The following SETBP1 variants were observed in gnomAD, a reference collection of about 807,000 sequenced individuals.
The protein encoded by SETBP1 is SET binding protein 1.
Under a neutral mutation model 101.0 loss-of-function variants are expected in SETBP1, and 9 were observed. The observed-to-expected ratio is 0.09, with a 90% confidence interval of 0.05 to 0.16. The LOEUF (loss-of-function observed/expected upper bound fraction) is 0.16, where lower values mean the gene tolerates loss of function less well. SETBP1 is among the 10% of genes least tolerant of loss of function. SETBP1 has a pLI of 1.00. For synonymous variants in SETBP1, 818 were observed against 788.5 expected (o/e 1.04, Z -0.63); for missense variants, 1,858 against 2,033.8 (o/e 0.91, Z 1.66).
At chr18:45,018,153 GA>G (rs924566686) in intron 4 of SETBP1, among the ~76,000 whole-genome samples, 49 of 152,148 alleles carry the variant, frequency 3.2e-4, no homozygotes, top group African/African-American at 1.2e-3. Flanking sequence ...CAGAATTAAA[GA>G]CACTCACAGT....
intron 4 of SETBP1, among the ~76,000 whole-genome samples, chr18:44,981,354 A>G (rs1436832893): frequency 6.6e-6 from 1 of 152,182 alleles, no homozygotes; most frequent in Non-Finnish European, 1.5e-5. Flanking sequence ...CTCCCAGAAC[A>G]TGTACCTCCC....
At chr18:44,983,028 C>A (rs1404317846) in intron 4 of SETBP1, among the ~76,000 whole-genome samples, 1 of 152,166 alleles carries the variant, frequency 6.6e-6, no homozygotes, top group African/African-American at 2.4e-5. Context: ...TCACCGAAAA[C>A]CCCTGTCTAA....
chr18:44,802,029 A>G (rs1055520097), intron 2 of SETBP1, among the ~76,000 whole-genome samples: 1 of 152,040 alleles, frequency 6.6e-6, no homozygotes, highest in Admixed American at 6.6e-5. Context: ...GCTACAGTAA[A>G]TTTCTCACCC....
At chr18:44,727,839 A>G (rs907557074) in intron 2 of SETBP1, among the ~76,000 whole-genome samples, 1 of 152,120 alleles carries the variant, frequency 6.6e-6, no homozygotes, top group African/African-American at 2.4e-5. Flanking sequence ...AATTCTTCTT[A>G]TAGCCCCCAC....
chr18:44,720,917 C>A (rs367634624), intron 2 of SETBP1, among the ~76,000 whole-genome samples: 23 of 145,076 alleles, frequency 1.6e-4, no homozygotes, highest in African/African-American at 5.8e-4. Context: ...ACCCCCCACC[C>A]CAACCCCTTG....
intron 3 of SETBP1, among the ~76,000 whole-genome samples, chr18:44,885,657 C>A (rs977268076): frequency 2.6e-5 from 4 of 151,760 alleles, no homozygotes; most frequent in South Asian, 2.1e-4. Context: ...AATTGTTGAA[C>A]AGCTGTAACC....
intron 4 of SETBP1, among the ~76,000 whole-genome samples, chr18:45,002,824 C>T (rs1277353955): frequency 1.3e-5 from 2 of 152,208 alleles, no homozygotes; most frequent in East Asian, 3.9e-4. Context: ...TTTAAGGGCT[C>T]AGTTGAAAAT....
rs2069191842 is a variant in SETBP1, at chr18:44,868,706, GGAAGGGAGGAAGGAAGGAAGGAAGGA to G, written c.487-523_487-498del. The stretch of plus-strand genomic sequence containing the variant: ...AGAGAGAGAGAGAGAGAGGACGGAA[GGAAGGGAGGAAGGAAGGAAGGAAGGA>G]AGGAAGGAAGGAAGGAAGGAAGGAA... On this transcript the variant is annotated intron_variant, in intron 2 of 5. Transcript: ENST00000649279. 4.5e-4 allele frequency among the ~76,000 whole-genome samples: 8 copies of G among 17,774 alleles called. No homozygotes were observed. The East Asian group carries it at 4.8e-3, about 11-fold the overall frequency. 11.7% of individuals were successfully genotyped at this position (17,774 alleles called of 152,430 possible). A position where few individuals can be genotyped will look rare whatever the true frequency, so the allele number is the denominator to read the frequency against.
chr18:44,766,506 C>A (rs907963475), intron 2 of SETBP1, among the ~76,000 whole-genome samples: 1 of 152,014 alleles, frequency 6.6e-6, no homozygotes, highest in African/African-American at 2.4e-5. Flanking sequence ...TTTATAGAGA[C>A]AGAATAGAAT....
rs144089080 is a variant in SETBP1, at chr18:44,926,241, G to A, written c.541-23640G>A. Among the ~76,000 whole-genome samples the A allele has an allele frequency of 1.2e-4, 19 of 152,134 alleles. 1 individual carries two copies. Among genetic ancestry groups the A allele is most frequent in the African/African-American group, 4.1e-4 (17 of 41,494 alleles). ...AGCCACTGTTCCTGGCCGAAGTGTC[G>A]ATATTATGGAAGGTGGTTTCTGTTG... On this transcript the variant is annotated intron_variant, in intron 3 of 5. Coordinates refer to ENST00000649279, the MANE Select transcript of SETBP1 (RefSeq NM_015559.3).
At chr18:44,680,795 G>T (rs1260109464), upstream of SETBP1, 7 of 152,288 alleles carry the variant, frequency 4.6e-5, no homozygotes, top group African/African-American at 1.7e-4. Flanking sequence ...GCCGGCTGGC[G>T]GGGCTGGCGG....
intron 3 of SETBP1, among the ~76,000 whole-genome samples, chr18:44,892,384 A>C (rs114935494): frequency 2.1e-3 from 320 of 152,156 alleles, no homozygotes; most frequent in African/African-American, 7.2e-3. Context: ...TTAAACAGAC[A>C]CTCCAGGTGG....
At chr18:44,733,939 G>A (rs2069899672) in intron 2 of SETBP1, among the ~76,000 whole-genome samples, 1 of 152,132 alleles carries the variant, frequency 6.6e-6, no homozygotes. Flanking sequence ...GAGACCCTGA[G>A]GGCATTCATC....
chr18:44,985,472 T>G (rs1326422678), intron 4 of SETBP1, among the ~76,000 whole-genome samples: 2 of 152,234 alleles, frequency 1.3e-5, no homozygotes, highest in Non-Finnish European at 2.9e-5. Flanking sequence ...AATTCTGGCT[T>G]GGGCTTAATA....
At chr18:44,999,623 C>CA (rs2072573797) in intron 4 of SETBP1, among the ~76,000 whole-genome samples, 1 of 152,172 alleles carries the variant, frequency 6.6e-6, no homozygotes, top group Non-Finnish European at 1.5e-5. Context: ...AGAGATAACT[C>CA]GCAACGACCC....
chr18:44,790,848 G>A lies in SETBP1; in HGVS notation c.487-78382G>A, dbSNP rs562128630. On this transcript the variant is annotated intron_variant, in intron 2 of 5. Coordinates refer to ENST00000649279, the MANE Select transcript of SETBP1 (RefSeq NM_015559.3). Reference sequence around the variant, plus strand: ...TGCTTTAGAGAAGCCTAAACTTTGGGGAGATAAAAATGTACATTCCTTAAA... The same window carrying A: ...TGCTTTAGAGAAGCCTAAACTTTGGAGAGATAAAAATGTACATTCCTTAAA... 4.3e-3 allele frequency among the ~76,000 whole-genome samples: 635 copies of A among 147,340 alleles called. 2 individuals carry two copies. Among genetic ancestry groups the A allele is most frequent in the African/African-American group, 0.015 (593 of 38,498 alleles).
chr18:44,731,339 T>C (rs1258809817), intron 2 of SETBP1, among the ~76,000 whole-genome samples: 3 of 152,152 alleles, frequency 2.0e-5, no homozygotes, highest in Admixed American at 6.5e-5. Flanking sequence ...TTTTTCCACA[T>C]GGCCACAGGC....
At chr18:44,722,107 T>C (rs1043579647) in intron 2 of SETBP1, among the ~76,000 whole-genome samples, 1 of 152,210 alleles carries the variant, frequency 6.6e-6, no homozygotes, top group African/African-American at 2.4e-5. Flanking sequence ...AGAGGGTATC[T>C]GGACATGTGT....
At chr18:45,060,055 A>G (rs1455030111) in intron 5 of SETBP1, among the ~76,000 whole-genome samples, 1 of 152,232 alleles carries the variant, frequency 6.6e-6, no homozygotes, top group African/African-American at 2.4e-5. Context: ...TTTTCTACCC[A>G]ACTCTTTAAA....
Sources: gnomAD v4.1 joint callset for allele counts (sites outside exome capture counted in the v4.1 genomes callset) on GRCh38, gnomAD v4.1.1 for gene constraint, MANE v1.5 for transcripts, NCBI Gene and HGNC (gene_info 2026-07-23, HGNC 2026-07-21) for gene names.